ANKFN1: variants seen among roughly 807,000 people sequenced by gnomAD.
The protein encoded by ANKFN1 is ankyrin repeat and fibronectin type-III domain-containing protein 1.
In ANKFN1, 74 loss-of-function variants were observed where a neutral mutation model predicts 108.7. That is an observed-to-expected ratio of 0.68 (90% CI 0.56 to 0.83). ANKFN1 has a LOEUF of 0.83. Among genes scored for constraint, ANKFN1 ranks in the 40% least tolerant of loss-of-function variants. The probability of loss-of-function intolerance (pLI) is 0.00; values close to 1 mark genes in which losing one functional copy is unlikely to be tolerated. For missense variants in ANKFN1, 1,505 were observed against 1,382.3 expected (o/e 1.09, Z -1.41); for synonymous variants, 547 against 516.2 (o/e 1.06, Z -0.81).
At chr17:56,384,878 A>C (rs1468925577) in intron 8 of ANKFN1, among the ~76,000 whole-genome samples, 1 of 151,822 alleles carries the variant, frequency 6.6e-6, no homozygotes, top group Non-Finnish European at 1.5e-5. Flanking sequence ...CAATATTGTG[A>C]AAATGGCCAT....
intron 3 of ANKFN1, among the ~76,000 whole-genome samples, chr17:56,239,197 G>A (rs1917394746): frequency 6.6e-6 from 1 of 152,180 alleles, no homozygotes; most frequent in South Asian, 2.1e-4. Context: ...TCCACAAATA[G>A]AAAAAAATGT....
At chr17:56,359,754 T>C (rs1388443499) in intron 6 of ANKFN1, among the ~76,000 whole-genome samples, 11 of 152,010 alleles carry the variant, frequency 7.2e-5, no homozygotes, top group Admixed American at 7.2e-4. Context: ...GTCTAAGAGG[T>C]GTGACTATAA....
At chr17:56,349,261 A>T (rs2046186025) in intron 4 of ANKFN1, among the ~76,000 whole-genome samples, 1 of 152,104 alleles carries the variant, frequency 6.6e-6, no homozygotes, top group Admixed American at 6.6e-5. Context: ...GAGCATCAGG[A>T]AGAATAGCTA....
chr17:56,455,734 C>G (rs1302704010), intron 11 of ANKFN1, among the ~76,000 whole-genome samples: 2 of 152,186 alleles, frequency 1.3e-5, no homozygotes, highest in African/African-American at 4.8e-5. Context: ...TTTATTAGGG[C>G]AAGCTCCATG....
intron 8 of ANKFN1, among the ~76,000 whole-genome samples, chr17:56,436,545 C>T (rs766880761): frequency 6.6e-6 from 1 of 152,030 alleles, no homozygotes; most frequent in South Asian, 2.1e-4. Flanking sequence ...CAGTTGCGGC[C>T]GGGCACGGTG....
chr17:56,514,719 A>C lies in ANKFN1; in HGVS notation c.*3450A>C, dbSNP rs1444504641. Among the ~76,000 whole-genome samples the C allele has an allele frequency of 6.6e-6, 1 of 152,232 alleles. No homozygotes were observed. Among genetic ancestry groups the C allele is most frequent in the Non-Finnish European group, 1.5e-5 (1 of 68,042 alleles). ...TTTGGTTTGAAAATTGAAGCAAGTT[A>C]GTAATAATATTTCGCCAGTCCTCTT... On this transcript the variant is annotated 3_prime_UTR_variant, in exon 21 of 21. Transcript: ENST00000682825.
At chr17:56,356,078 T>C (rs9890326) in intron 6 of ANKFN1, among the ~76,000 whole-genome samples, 9,246 of 152,086 alleles carry the variant, frequency 0.061, 907 homozygotes, top group African/African-American at 0.21. Context: ...TCTTTCTGGA[T>C]GTGTTTTGAA....
rs367676680 is a variant in ANKFN1, at chr17:56,450,261, T to G, written c.1207+1075T>G. ...GACTCTGTCTCTAAAAATAGCAAAT[T>G]TTTTAAAAGAAAAAAAAAATCCACA... On this transcript the variant is annotated intron_variant, in intron 11 of 20. Coordinates refer to ENST00000682825, the MANE Select transcript of ANKFN1 (RefSeq NM_001370326.1). Among the ~76,000 whole-genome samples, 3 of 150,924 alleles carry G rather than the reference T, an allele frequency of 2.0e-5. No individual in the cohort carries two copies. The East Asian group carries it at 5.8e-4, about 29-fold the overall frequency.
chr17:56,496,654 G>T lies in ANKFN1; in HGVS notation c.2428-2228G>T, dbSNP rs556236966. On this transcript the variant is annotated intron_variant, in intron 19 of 20. Transcript: ENST00000682825. ...ACTCTTATAAGAATGTCCTTATGAG[G>T]ACATCTGTTGTTAGAATTAGGATCC... 2.6e-5 allele frequency among the ~76,000 whole-genome samples: 4 copies of T among 152,106 alleles called. No individual in the cohort carries two copies. The East Asian group carries it at 5.8e-4, about 22-fold the overall frequency.
At chr17:56,483,108 T>A (rs919748146) in intron 18 of ANKFN1, among the ~76,000 whole-genome samples, 1 of 152,172 alleles carries the variant, frequency 6.6e-6, no homozygotes, top group Admixed American at 6.5e-5. Context: ...TCTCCCAGGA[T>A]GCAATATTGT....
intron 4 of ANKFN1, among the ~76,000 whole-genome samples, chr17:56,054,229 C>A (rs1904826595): frequency 6.6e-6 from 1 of 152,034 alleles, no homozygotes; most frequent in Admixed American, 6.6e-5. Flanking sequence ...GGGTATGTAC[C>A]CAAAGGAAAA....
At chr17:56,339,889 C>T (rs2045916546) in intron 4 of ANKFN1, among the ~76,000 whole-genome samples, 1 of 152,108 alleles carries the variant, frequency 6.6e-6, no homozygotes, top group Admixed American at 6.6e-5. Flanking sequence ...CACTGTTTTC[C>T]ACAATGGCTG....
At chr17:56,124,190 T>A (rs1290980522) in intron 4 of ANKFN1, among the ~76,000 whole-genome samples, 3 of 152,134 alleles carry the variant, frequency 2.0e-5, no homozygotes, top group African/African-American at 7.2e-5. Context: ...TTACAAACAT[T>A]TTGCTGGTCT....
chr17:56,204,082 T>G (rs1914299369), intron 1 of ANKFN1, among the ~76,000 whole-genome samples: 1 of 152,206 alleles, frequency 6.6e-6, no homozygotes, highest in African/African-American at 2.4e-5. Context: ...AGTCTCACTC[T>G]GTTGCTCAGG....
chr17:56,249,519 T>C (rs765837962), intron 3 of ANKFN1, among the ~76,000 whole-genome samples: 14 of 152,200 alleles, frequency 9.2e-5, no homozygotes, highest in East Asian at 3.9e-4. Context: ...GGATTATTCA[T>C]AGGACTTGAT....
At chr17:56,088,980 C>T (rs1269949664) in intron 4 of ANKFN1, among the ~76,000 whole-genome samples, 1 of 151,160 alleles carries the variant, frequency 6.6e-6, no homozygotes, top group East Asian at 1.9e-4. Flanking sequence ...GCTAGTGGCT[C>T]TCCTTAGAAT....
At chr17:56,380,677 T>G (rs2047072327) in intron 8 of ANKFN1, among the ~76,000 whole-genome samples, 1 of 152,354 alleles carries the variant, frequency 6.6e-6, no homozygotes, top group South Asian at 2.1e-4. Context: ...GGAGTCTCGC[T>G]GATTGCTAGC....
chr17:56,464,589 C>G (rs1011802054), intron 14 of ANKFN1, among the ~76,000 whole-genome samples: 1 of 152,152 alleles, frequency 6.6e-6, no homozygotes, highest in Non-Finnish European at 1.5e-5. Context: ...TTGGAAAAGT[C>G]TTCCCAGGGG....
chr17:56,393,975 C>T (rs374720928), intron 8 of ANKFN1, among the ~76,000 whole-genome samples: 1 of 152,202 alleles, frequency 6.6e-6, no homozygotes, highest in African/African-American at 2.4e-5. Context: ...AGGTAGTGCA[C>T]AAGCCTCTGA....
Sources: allele counts gnomAD v4.1 joint callset (sites outside exome capture counted in the v4.1 genomes callset), GRCh38; gene constraint gnomAD v4.1.1; transcripts MANE v1.5; gene names NCBI Gene and HGNC (gene_info 2026-07-23, HGNC 2026-07-21).